The following ZER1 variants were observed in gnomAD, a reference collection of about 807,000 sequenced individuals.
ZER1 encodes protein zer-1 homolog.
ZER1 carries 11 observed loss-of-function variants against 78.8 expected under a neutral mutation model. That is an observed-to-expected ratio of 0.14 (90% CI 0.09 to 0.23). The LOEUF is 0.23. Ranked by LOEUF, ZER1 falls within the 10% of genes least tolerant of loss-of-function variation. The pLI is 1.00. For synonymous variants in ZER1, 400 were observed against 407.0 expected, an observed-to-expected ratio of 0.98 and a Z score of 0.21; for missense variants, 588 against 996.9, an observed-to-expected ratio of 0.59 and a Z score of 5.52.
chr9:128,737,384 C>T (rs1467498053), intron 13 of ZER1, among the ~76,000 whole-genome samples: 3 of 152,186 alleles, frequency 2.0e-5, no homozygotes, highest in Non-Finnish European at 4.4e-5. Context: ...CCAGCGATTC[C>T]GCTTCCTTTC....
At chr9:128,731,473 G>A (rs892997261) in intron 15 of ZER1, 79 bp from the exon 16 acceptor site, 2 of 1,239,240 alleles carry the variant, frequency 1.6e-6, no homozygotes, top group Non-Finnish European at 1.2e-6. Flanking sequence ...TCATTAGGCA[G>A]CTGGGTAAAC....
intron 11 of ZER1, among the ~76,000 whole-genome samples, 197 bp from the exon 12 acceptor site, chr9:128,741,084 G>C (rs1232575172): frequency 2.0e-5 from 3 of 152,204 alleles, no homozygotes; most frequent in Non-Finnish European, 4.4e-5. Flanking sequence ...GGGTGGGATT[G>C]CTTGCCACAA....
chr9:128,750,769 C>G lies in ZER1; in HGVS notation c.1206G>C (p.Lys402Asn). The change falls in exon 8 of 16, where the codon AAG becomes AAC. Residue 402 changes from lysine to asparagine, a missense_variant. By Grantham distance (94) the Lys-to-Asn change is moderately conservative. Transcript: ENST00000291900. ...GAATGTTCCTGTCATATTTGTGGCACTTGAGGGCCGTGATGACCAGCTGTA... is the reference window on the plus strand; with the variant it reads ...GAATGTTCCTGTCATATTTGTGGCAGTTGAGGGCCGTGATGACCAGCTGTA... ...RALKLVITAL[K>N]CHKYDRNIQV... The G allele has an allele frequency of 6.2e-7, 1 of 1,614,202 alleles. No individual in the cohort carries two copies. Among genetic ancestry groups the G allele is most frequent in the South Asian group, 1.1e-5 (1 of 91,084 alleles).
At chr9:128,771,981 A>G (rs899716551), upstream of ZER1, 2 of 151,978 alleles carry the variant, frequency 1.3e-5, no homozygotes, top group African/African-American at 4.8e-5. Context: ...GGTTCCCCCG[A>G]CCCGTCCCGC....
At chr9:128,734,451 C>T (rs1018304783) in intron 14 of ZER1, among the ~76,000 whole-genome samples, 1 of 151,456 alleles carries the variant, frequency 6.6e-6, no homozygotes, top group Non-Finnish European at 1.5e-5. Flanking sequence ...CCCGTCTCAG[C>T]CTCCCAATGT....
intron 13 of ZER1, among the ~76,000 whole-genome samples, chr9:128,737,423 T>G (rs1483753596): frequency 6.6e-6 from 1 of 152,176 alleles, no homozygotes; most frequent in Non-Finnish European, 1.5e-5. Context: ...CTTGGCACAC[T>G]GGCAACGCTA....
chr9:128,759,632 A>G (rs1863978294), intron 1 of ZER1, among the ~76,000 whole-genome samples: 1 of 151,916 alleles, frequency 6.6e-6, no homozygotes, highest in Non-Finnish European at 1.5e-5. Flanking sequence ...TGTCTCTACT[A>G]AAAATAGAAA....
Position 128,754,690 on chromosome 9 carries a change from CT to C in ZER1, c.158+717del, listed in dbSNP as rs113763873. On this transcript the variant is annotated intron_variant, in intron 2 of 15. Coordinates refer to ENST00000291900, the MANE Select transcript of ZER1 (RefSeq NM_006336.4). This position sits in a 1 kb window ranked among gnomAD's most constrained non-coding sequence, Gnocchi z 4.3. ...TAATTTCCCTTCTGGGAATCTTTTT[CT>C]TTTTTTTTTTTTGGTAGAGACAAGG... Among the ~76,000 whole-genome samples the C allele has an allele frequency of 2.5e-3, 355 of 144,054 alleles. No homozygotes were observed. The highest frequency in any genetic ancestry group is 2.2e-3 in the Non-Finnish European group (144 of 65,122). The allele number at this position is 144,054 out of a possible 152,430, so 94.5% of individuals were successfully genotyped here.
rs1863749579 is a variant in ZER1 at position 128,753,378 on chromosome 9, G to A, written c.532C>T (p.Arg178Cys). ...DFTFEGFSRL[R>C]FLNLGRMIDW... ...ATCATGCGGCCCAAGTTGAGGAAGC[G>A]GAGGCGGCTGAAGCCCTCGAAGGTG... Residue 178 changes from arginine (R) to cysteine (C), a missense_variant, in exon 4 of 16, where the codon CGC becomes TGC. By Grantham distance (180) the Arg-to-Cys change is radical (BLOSUM62 -3). Around this residue, in one of 3 missense-constraint regions of ZER1, gnomAD observed 406 missense variants for 660.1 expected, o/e 0.62. Coordinates refer to ENST00000291900, the MANE Select transcript of ZER1 (RefSeq NM_006336.4). The surrounding 1 kb of genome is among the most constrained non-coding windows in gnomAD (Gnocchi z 7.5). 2.5e-6 allele frequency: 4 copies of A among 1,614,012 alleles called. No homozygotes were observed. Among genetic ancestry groups the A allele is most frequent in the Non-Finnish European group, 3.4e-6 (4 of 1,179,958 alleles).
intron 1 of ZER1, among the ~76,000 whole-genome samples, chr9:128,770,568 T>C (rs1864351865): frequency 6.6e-6 from 1 of 152,194 alleles, no homozygotes; most frequent in African/African-American, 2.4e-5. Context: ...GAACACCCTC[T>C]ATAAAATGAC....
At chr9:128,760,325 C>T (rs551258647) in intron 1 of ZER1, among the ~76,000 whole-genome samples, 236 of 151,804 alleles carry the variant, frequency 1.6e-3, no homozygotes, top group Non-Finnish European at 2.1e-3. Context: ...GCCCCAGCCT[C>T]CCGAGTAGCT....
At chr9:128,747,636 CAG>C (rs766133781) in intron 8 of ZER1, among the ~76,000 whole-genome samples, 4 of 152,274 alleles carry the variant, frequency 2.6e-5, no homozygotes, top group African/African-American at 7.2e-5. Flanking sequence ...TGTTTTGACA[CAG>C]AGTCTTGCTT....
intron 1 of ZER1, among the ~76,000 whole-genome samples, chr9:128,760,384 G>C (rs1249489059): frequency 6.6e-6 from 1 of 151,680 alleles, no homozygotes; most frequent in African/African-American, 2.4e-5. Flanking sequence ...TTGTATTTTT[G>C]GTAGAGATGG....
intron 1 of ZER1, among the ~76,000 whole-genome samples, chr9:128,770,104 A>G (rs1864336822): frequency 6.6e-6 from 1 of 151,926 alleles, no homozygotes; most frequent in Non-Finnish European, 1.5e-5. Context: ...AACCTGCTCC[A>G]GTCCCCCATC....
chr9:128,757,364 C>CA (rs1025619081), intron 1 of ZER1, among the ~76,000 whole-genome samples: 12 of 151,366 alleles, frequency 7.9e-5, no homozygotes, highest in Non-Finnish European at 1.6e-4. Flanking sequence ...ACAAAAAATA[C>CA]AAAAAAAATT....
Position 128,755,397 on chromosome 9 carries a change from G to A in ZER1, c.158+11C>T. The A allele has an allele frequency of 6.2e-7, 1 of 1,613,800 alleles. No individual in the cohort carries two copies. The highest frequency in any genetic ancestry group is 1.3e-5 in the African/African-American group (1 of 74,970). The stretch of plus-strand genomic sequence containing the variant: ...AGACCCCTGCCCCTCCTCAGCCCTG[G>A]GTCTGCTCACTCATTGACGAGCCGG... On this transcript the variant is annotated intron_variant, in intron 2 of 15. Coordinates refer to ENST00000291900, the MANE Select transcript of ZER1 (RefSeq NM_006336.4). This position sits in a 1 kb window ranked among gnomAD's most constrained non-coding sequence, Gnocchi z 5.6.
chr9:128,736,844 TA>T (rs578043048), intron 13 of ZER1, among the ~76,000 whole-genome samples: 1 of 151,112 alleles, frequency 6.6e-6, no homozygotes, highest in Admixed American at 6.6e-5. Flanking sequence ...CCTGGCTAAT[TA>T]AAAAAAAATT....
chr9:128,751,151 G>A lies in ZER1; in HGVS notation c.1156C>T (p.Arg386Cys), dbSNP rs909598717. ...AGGGCCCGCAGCAGCTGGTTGCAAC[G>A]CTCGATGCGGGCGATGTCAAAAAGC... ...NLLFDIARIE[R>C]CNQLLRALKL... Residue 386 changes from arginine (R) to cysteine (C), a missense_variant, in exon 7 of 16, where the codon CGT becomes TGT. Physicochemically the swap from Arg to Cys is radical, Grantham distance 180. This residue lies in a region of ZER1 where 406 missense variants were observed against 660.1 expected (regional missense o/e 0.62). Transcript: ENST00000291900. The surrounding 1 kb of genome is among the most constrained non-coding windows in gnomAD (Gnocchi z 5.4). 4.4e-6 allele frequency: 7 copies of A among 1,601,402 alleles called. No homozygotes were observed. The highest frequency in any genetic ancestry group is 4.0e-5 in the African/African-American group (3 of 74,720).
At chr9:128,766,619 G>A (rs1228286974) in intron 1 of ZER1, among the ~76,000 whole-genome samples, 3 of 151,960 alleles carry the variant, frequency 2.0e-5, no homozygotes, top group Non-Finnish European at 4.4e-5. Flanking sequence ...GCCAAGGCAG[G>A]TGGATCACCT....
Sources: gnomAD v4.1 joint callset for allele counts (sites outside exome capture counted in the v4.1 genomes callset) on GRCh38, gnomAD v4.1.1 for gene constraint, gnomAD v4.1.1 regional missense constraint, Gnocchi (gnomAD v3.1) non-coding constraint, MANE v1.5 for transcripts, NCBI Gene and HGNC (gene_info 2026-07-23, HGNC 2026-07-21) for gene names.